SERPINE2: variants seen among roughly 807,000 people sequenced by gnomAD.
SERPINE2 encodes glia-derived nexin.
SERPINE2 carries 14 observed loss-of-function variants against 36.3 expected under a neutral mutation model. That is an observed-to-expected ratio of 0.39 (90% confidence interval 0.25 to 0.60). The LOEUF is 0.60. Among genes scored for constraint, SERPINE2 ranks in the 20% least tolerant of loss-of-function variants. SERPINE2 has a pLI of 0.57. For synonymous variants in SERPINE2, 192 were observed against 191.8 expected, an observed-to-expected ratio of 1.00 and a Z score of -0.01; for missense variants, 418 against 499.6, an observed-to-expected ratio of 0.84 and a Z score of 1.56.
Position 224,005,065 on chromosome 2 carries a change from T to TTATATATTTATATATATATA in SERPINE2, c.-22-3144_-22-3143insTATATATATATAAATATATA, listed in dbSNP as rs1553547022. ...ATATATTTTATATATTTTATATATA[T>TTATATATTTATATATATATA]TATATATATATATATATATATATAT... On this transcript the variant is annotated intron_variant, in intron 1 of 8. Coordinates refer to ENST00000409304, the MANE Select transcript of SERPINE2 (RefSeq NM_001136528.2). 3.4e-3 allele frequency among the ~76,000 whole-genome samples: 114 copies of TTATATATTTATATATATATA among 33,502 alleles called. 4 individuals carry two copies. Among genetic ancestry groups the TTATATATTTATATATATATA allele is most frequent in the African/African-American group, 9.1e-3 (91 of 9,984 alleles). The allele number at this position is 33,502 out of a possible 152,430, so 22.0% of individuals were successfully genotyped here.
chr2:224,011,975 C>T (rs757558828), intron 1 of SERPINE2, among the ~76,000 whole-genome samples: 9 of 152,192 alleles, frequency 5.9e-5, no homozygotes, highest in South Asian at 4.1e-4. Flanking sequence ...CCTGTTACCT[C>T]GGTCAATTAC....
In SERPINE2 at chr2:224,012,480, G is replaced by T. The variant is rs184038495; in HGVS notation, c.-22-10558C>A. The stretch of plus-strand genomic sequence containing the variant: ...TAGCCAGGTGTGGTGGCGGGTGCTT[G>T]TAGTGCCAGCTACTTGGGAGGCTGA... On this transcript the variant is annotated intron_variant, in intron 1 of 8. Transcript: ENST00000409304. Among the ~76,000 whole-genome samples the T allele has an allele frequency of 7.4e-3, 1,132 of 152,028 alleles. 44 individuals carry two copies. The highest frequency in any genetic ancestry group is 0.061 in the Admixed American group (931 of 15,252).
chr2:224,006,740 T>G (rs1691439604), intron 1 of SERPINE2, among the ~76,000 whole-genome samples: 1 of 152,212 alleles, frequency 6.6e-6, no homozygotes, highest in South Asian at 2.1e-4. Context: ...ATTCTAAAAA[T>G]ATTTTTAGCA....
chr2:223,996,296 G>A (rs13432278), intron 3 of SERPINE2, among the ~76,000 whole-genome samples: 40,040 of 152,076 alleles, frequency 0.26, 6,414 homozygotes, highest in African/African-American at 0.46. Context: ...TCCTGAGGGC[G>A]TCTGCTTCTG....
chr2:224,020,881 C>T (rs1423951176), intron 1 of SERPINE2, among the ~76,000 whole-genome samples: 4 of 152,162 alleles, frequency 2.6e-5, no homozygotes, highest in Admixed American at 6.5e-5. Context: ...TTCAATATTG[C>T]TTGCCTGAAG....
At chr2:223,985,192 GTT>G in intron 4 of SERPINE2, 1 of 510,754 alleles carries the variant, frequency 2.0e-6, no homozygotes, top group East Asian at 3.4e-5. Flanking sequence ...CTTTAATTCT[GTT>G]AAGGAGAATT....
intron 4 of SERPINE2, among the ~76,000 whole-genome samples, chr2:223,987,364 G>T (rs1252336991): frequency 6.6e-6 from 1 of 152,108 alleles, no homozygotes. Flanking sequence ...TTACGTAGCT[G>T]ATAAAAGCAC....
intron 1 of SERPINE2, among the ~76,000 whole-genome samples, chr2:224,018,590 CAA>C (rs35298522): frequency 1.0e-3 from 134 of 130,326 alleles, no homozygotes; most frequent in African/African-American, 3.6e-3. Context: ...CAGTACTTCT[CAA>C]AAAAAAAAAA....
chr2:223,998,141 T>C lies in SERPINE2; in HGVS notation c.461A>G (p.Asn154Ser), dbSNP rs2106159276. The change falls in exon 3 of 9, where the codon AAT (asparagine) becomes AGT (serine). Residue 154 changes from asparagine (N) to serine (S), a missense_variant. Asn to Ser is a conservative substitution (Grantham distance 46). Coordinates refer to ENST00000409304, the MANE Select transcript of SERPINE2 (RefSeq NM_001136528.2). ...EDPASACDSI[N>S]AWVKNETRDM... ...CCTGGTTTCATTTTTAACCCATGCATTGATGGAATCACAGGCAGAGGCTGG... is the reference window on the plus strand; with the variant it reads ...CCTGGTTTCATTTTTAACCCATGCACTGATGGAATCACAGGCAGAGGCTGG... 1.2e-6 allele frequency: 2 copies of C among 1,614,202 alleles called. No homozygotes were observed. The highest frequency in any genetic ancestry group is 1.1e-5 in the South Asian group (1 of 91,078).
At chr2:224,031,353 A>C (rs1692358243) in intron 1 of SERPINE2, 2 of 985,438 alleles carry the variant, frequency 2.0e-6, no homozygotes, top group Non-Finnish European at 2.4e-6. Context: ...CATCTAGCTG[A>C]GAGGCAGGCA....
rs560264898 is a variant in SERPINE2, at chr2:224,009,934, T to C, written c.-22-8012A>G. ...ACAGTAATTGTTAATGTACAAGTAA[T>C]CGGGGTTAAGCCTCACATATGGTCT... On this transcript the variant is annotated intron_variant, in intron 1 of 8. Transcript: ENST00000409304. Among the ~76,000 whole-genome samples the C allele has an allele frequency of 3.3e-5, 5 of 152,324 alleles. No individual in the cohort carries two copies. In the South Asian group the frequency reaches 1.0e-3, roughly 32 times the overall value.
intron 1 of SERPINE2, among the ~76,000 whole-genome samples, chr2:224,024,323 C>T (rs921013184): frequency 1.3e-5 from 2 of 152,126 alleles, no homozygotes; most frequent in Non-Finnish European, 2.9e-5. Flanking sequence ...AAGCACCTAT[C>T]AAACGAAAAA....
At position 223,998,160 on chromosome 2, in the gene SERPINE2, A is replaced by C. The variant is rs756645831; in HGVS notation, c.442T>G (p.Ser148Ala). 1.2e-6 allele frequency: 2 copies of C among 1,614,248 alleles called. No individual in the cohort carries two copies. The highest frequency in any genetic ancestry group is 2.2e-5 in the South Asian group (2 of 91,082). Reference protein sequence around the residue: ...VRNVNFEDPASACDSINAWVK... With the variant: ...VRNVNFEDPAAACDSINAWVK... ...CATGCATTGATGGAATCACAGGCAG[A>C]GGCTGGATCCTCAAAGTTCACATTC... The change falls in exon 3 of 9, where the codon TCT becomes GCT. Residue 148 changes from serine to alanine, a missense_variant. By Grantham distance (99) the Ser-to-Ala change is moderately conservative. Coordinates refer to ENST00000409304, the MANE Select transcript of SERPINE2 (RefSeq NM_001136528.2).
chr2:224,033,223 T>G lies in SERPINE2; in HGVS notation c.-23+5876A>C, dbSNP rs149780008. The stretch of plus-strand genomic sequence containing the variant: ...GGCACATTTATGTGTGGAGAACAGG[T>G]TGACAAGATTCAAGTATATGGGACC... On this transcript the variant is annotated intron_variant, in intron 1 of 8. Transcript: ENST00000409304. Among the ~76,000 whole-genome samples, 243 of 152,278 alleles carry G rather than the reference T, an allele frequency of 1.6e-3. 1 individual carries two copies. The highest frequency in any genetic ancestry group is 5.5e-3 in the African/African-American group (230 of 41,558).
At chr2:224,030,329 C>T in intron 1 of SERPINE2, 1 of 592,750 alleles carries the variant, frequency 1.7e-6, no homozygotes, top group Non-Finnish European at 2.1e-6. Context: ...TTCATCAGGC[C>T]AAAGACACGA....
intron 1 of SERPINE2, among the ~76,000 whole-genome samples, chr2:224,023,061 C>T (rs146946818): frequency 1.3e-5 from 2 of 152,352 alleles, no homozygotes; most frequent in African/African-American, 4.8e-5. Context: ...AATTAAACCT[C>T]TTTCCTTAAT....
chr2:223,992,092 A>C, intron 3 of SERPINE2, 92 bp from the exon 4 acceptor site: 2 of 1,086,726 alleles, frequency 1.8e-6, no homozygotes, highest in South Asian at 1.4e-5. Context: ...GTAGACTGAA[A>C]AATCAAAGGA....
intron 1 of SERPINE2, among the ~76,000 whole-genome samples, chr2:224,004,419 A>C (rs963990689): frequency 7.9e-5 from 12 of 152,196 alleles, no homozygotes; most frequent in African/African-American, 2.9e-4. Flanking sequence ...AATTGTATCA[A>C]CTCAGCCCGT....
At chr2:224,004,900 T>C (rs2106169166) in intron 1 of SERPINE2, among the ~76,000 whole-genome samples, 2 of 150,818 alleles carry the variant, frequency 1.3e-5, no homozygotes, top group South Asian at 4.2e-4. Flanking sequence ...AGTGAATATT[T>C]GAATAAATAT....
Sources: gnomAD v4.1 joint callset for allele counts (sites outside exome capture counted in the v4.1 genomes callset) on GRCh38, gnomAD v4.1.1 for gene constraint, MANE v1.5 for transcripts, NCBI Gene and HGNC (gene_info 2026-07-23, HGNC 2026-07-21) for gene names.